DYSF: variants seen among roughly 807,000 people sequenced by gnomAD.
DYSF encodes dysferlin.
DYSF carries 212 observed loss-of-function variants against 274.9 expected under a neutral mutation model. The ratio of observed to expected loss-of-function variants is 0.77; its 90% CI spans 0.69 to 0.86. DYSF has a LOEUF of 0.86. DYSF is among the 40% of genes least tolerant of loss of function. The pLI, the probability that DYSF is intolerant of heterozygous loss-of-function variation, is 0.00. For synonymous variants in DYSF, 1,091 were observed against 1,078.7 expected (o/e 1.01, Z -0.22); for missense variants, 2,666 against 2,783.2 (o/e 0.96, Z 0.95).
In DYSF at chr2:71,679,124, C is replaced by T; in HGVS notation, c.5952C>T (p.Asp1984=). The stretch of plus-strand genomic sequence containing the variant: ...AGACAGCCAAGAAGTGCTCCTTGGA[C>T]CAGCTGGATGATGCTTTCCACCCAG... ...PAKTAKKCSL[D]QLDDAFHPEW... The change falls in exon 53 of 56, where the codon GAC becomes GAT. Residue 1984 remains aspartate, a synonymous_variant. Coordinates refer to ENST00000410020, the MANE Select transcript of DYSF (RefSeq NM_001130987.2). 1.2e-6 allele frequency: 2 copies of T among 1,613,926 alleles called. No homozygotes were observed. The highest frequency in any genetic ancestry group is 1.3e-5 in the African/African-American group (1 of 74,994).
At chr2:71,628,300 A>G (rs1180886730) in intron 41 of DYSF, among the ~76,000 whole-genome samples, 1 of 151,958 alleles carries the variant, frequency 6.6e-6, no homozygotes, top group Non-Finnish European at 1.5e-5. Flanking sequence ...AACTCCAATC[A>G]CCTATCAATT....
At chr2:71,667,640 A>C (rs1490552806) in intron 48 of DYSF, 125 bp downstream of exon 48, 2 of 1,434,766 alleles carry the variant, frequency 1.4e-6, no homozygotes, top group African/African-American at 2.8e-5. Flanking sequence ...TCCTTGACCC[A>C]TTTCTTCACA....
At chr2:71,558,280 G>A (rs1479599366) in intron 22 of DYSF, among the ~76,000 whole-genome samples, 1 of 152,138 alleles carries the variant, frequency 6.6e-6, no homozygotes, top group African/African-American at 2.4e-5. Context: ...AGGAGGAGGA[G>A]CCAGTTGAGG....
intron 42 of DYSF, among the ~76,000 whole-genome samples, chr2:71,655,010 G>A (rs1364017305): frequency 1.3e-5 from 2 of 152,138 alleles, no homozygotes; most frequent in Non-Finnish European, 2.9e-5. Context: ...GGGATCATTT[G>A]AGCCCAGGAG....
In DYSF at chr2:71,686,542, A is replaced by G. The variant is rs755464243; in HGVS notation, c.*50A>G. On this transcript the variant is annotated 3_prime_UTR_variant, in exon 56 of 56. Transcript: ENST00000410020. ...GCCGTGGGGTCCCCTCCAGCATGGG[A>G]CTGGCCTGCCTCCTCCGCCCAGCTC... is the stretch of plus-strand genomic sequence containing the variant. 4 of 1,609,828 alleles carry G rather than the reference A, an allele frequency of 2.5e-6. No homozygotes were observed. The highest frequency in any genetic ancestry group is 2.2e-5 in the South Asian group (2 of 91,028).
At chr2:71,612,620 C>A (rs377463940) in intron 38 of DYSF, 21 bp from the exon 39 acceptor site, 4 of 1,612,844 alleles carry the variant, frequency 2.5e-6, no homozygotes, top group Non-Finnish European at 2.5e-6. Flanking sequence ...CAGGCCAGTG[C>A]GTTCTTCCTC....
chr2:71,479,274 A>G lies in DYSF; in HGVS notation c.92-1609A>G, dbSNP rs191845273. Among the ~76,000 whole-genome samples the G allele has an allele frequency of 1.8e-3, 278 of 151,664 alleles. 4 individuals are homozygous for G. Among genetic ancestry groups the G allele is most frequent in the Non-Finnish European group, 2.8e-3 (190 of 67,870 alleles). On this transcript the variant is annotated intron_variant, in intron 1 of 55. Coordinates refer to ENST00000410020, the MANE Select transcript of DYSF (RefSeq NM_001130987.2). ...AAGTGCCCAGGGCACTGCAGAACAA[A>G]GCTTCATTAAATGCCTTCTCTTCTT...
At chr2:71,497,201 T>C (rs995458084) in intron 3 of DYSF, among the ~76,000 whole-genome samples, 4 of 152,198 alleles carry the variant, frequency 2.6e-5, no homozygotes, top group Non-Finnish European at 5.9e-5. Flanking sequence ...AGTTTAATAC[T>C]GAGCTGGCTA....
chr2:71,603,714 C>G (rs1170810302), intron 36 of DYSF, among the ~76,000 whole-genome samples: 3 of 152,090 alleles, frequency 2.0e-5, no homozygotes, highest in African/African-American at 7.2e-5. Flanking sequence ...GCTGCAGTTG[C>G]AAAAGACTGC....
chr2:71,572,136 C>T (rs1408426229), intron 29 of DYSF, among the ~76,000 whole-genome samples: 2 of 144,660 alleles, frequency 1.4e-5, no homozygotes, highest in Non-Finnish European at 3.0e-5. Context: ...CAGATCACAC[C>T]CAGCACACCC....
chr2:71,561,824 C>T lies in DYSF; in HGVS notation c.2289C>T (p.Thr763=), dbSNP rs938112009. 6.2e-7 allele frequency: 1 copy of T among 1,614,176 alleles called. No homozygotes were observed. The highest frequency in any genetic ancestry group is 8.5e-7 in the Non-Finnish European group (1 of 1,180,034). Residue 763 remains threonine, a synonymous_variant, in exon 23 of 56, where the codon ACC becomes ACT. Coordinates refer to ENST00000410020, the MANE Select transcript of DYSF (RefSeq NM_001130987.2). The part of the protein sequence containing the change: ...HLDQYLYQLR[T]HHLSQITEAA... ...ACCAGTACCTGTACCAGCTGCGCAC[C>T]CATCACCTGAGCCAAATCACTGAGG...
intron 2 of DYSF, among the ~76,000 whole-genome samples, chr2:71,481,230 C>G (rs2082863328): frequency 6.6e-6 from 1 of 152,232 alleles, no homozygotes; most frequent in Non-Finnish European, 1.5e-5. Context: ...CTGCCTGTTT[C>G]TCTCACACAG....
rs1332186807 is a variant in DYSF at position 71,568,267 on chromosome 2, A to G, written c.2793A>G (p.Leu931=). 1.2e-6 allele frequency: 2 copies of G among 1,614,128 alleles called. No individual in the cohort carries two copies. Among genetic ancestry groups the G allele is most frequent in the Non-Finnish European group, 1.7e-6 (2 of 1,180,014 alleles). The change falls in exon 26 of 56, where the codon CTA becomes CTG. Residue 931 remains leucine, a synonymous_variant. Coordinates refer to ENST00000410020, the MANE Select transcript of DYSF (RefSeq NM_001130987.2). ...KFSDVTGKIK[L]PKDSFRPSAG... ...CTGACGTCACGGGCAAGATCAAGCT[A>G]CCCAAGGACAGCTTCCGCCCCTCGG...
At chr2:71,637,604 G>A (rs1394847688) in intron 41 of DYSF, among the ~76,000 whole-genome samples, 1 of 152,160 alleles carries the variant, frequency 6.6e-6, no homozygotes, top group Non-Finnish European at 1.5e-5. Context: ...CAGGAACTTG[G>A]TGTGAGACCC....
intron 22 of DYSF, 29 bp from the exon 23 acceptor site, chr2:71,561,723 G>A: frequency 1.9e-6 from 3 of 1,613,862 alleles, no homozygotes; most frequent in Non-Finnish European, 2.5e-6. Context: ...GGGCTCATCA[G>A]GCGCATTCCA....
At chr2:71,462,993 C>T (rs1397266408), upstream of DYSF, among the ~76,000 whole-genome samples, 2 of 152,244 alleles carry the variant, frequency 1.3e-5, no homozygotes, top group African/African-American at 2.4e-5. Context: ...GCAGCCCAGC[C>T]CCCAGGCTTC....
At chr2:71,515,887 A>AC in intron 8 of DYSF, 136 bp downstream of exon 8, 1 of 1,335,324 alleles carries the variant, frequency 7.5e-7, no homozygotes, top group South Asian at 1.4e-5. Context: ...GCTGGCTCCC[A>AC]AGGAGGTTAT....
intron 1 of DYSF, among the ~76,000 whole-genome samples, chr2:71,468,430 C>T (rs1313702727): frequency 1.3e-5 from 2 of 152,168 alleles, no homozygotes; most frequent in Admixed American, 1.3e-4. Context: ...TGGCAGGGAG[C>T]TACCAGCGCT....
intron 32 of DYSF, among the ~76,000 whole-genome samples, chr2:71,590,639 C>A (rs771963180): frequency 6.6e-5 from 10 of 152,158 alleles, no homozygotes; most frequent in Non-Finnish European, 1.3e-4. Flanking sequence ...TTGTCTGTGT[C>A]CTCTCTCTGG....
Sources: allele counts gnomAD v4.1 joint callset (sites outside exome capture counted in the v4.1 genomes callset), GRCh38; gene constraint gnomAD v4.1.1; transcripts MANE v1.5; gene names NCBI Gene and HGNC (gene_info 2026-07-23, HGNC 2026-07-21).